KIF13A: variants seen among roughly 807,000 people sequenced by gnomAD.
KIF13A encodes the protein kinesin family member 13A.
In KIF13A, 79 loss-of-function variants were observed where a neutral mutation model predicts 212.2. The observed-to-expected ratio is 0.37, with a 90% CI of 0.31 to 0.45. The LOEUF is 0.45. KIF13A is among the 20% of genes least tolerant of loss of function. The probability of loss-of-function intolerance (pLI) is 1.00; values close to 1 mark genes in which losing one functional copy is unlikely to be tolerated. For missense variants in KIF13A, 1,901 were observed against 2,209.0 expected, an observed-to-expected ratio of 0.86 and a Z score of 2.79; for synonymous variants, 789 against 808.6, an observed-to-expected ratio of 0.98 and a Z score of 0.41.
At chr6:17,858,226 C>T (rs12201185) in intron 4 of KIF13A, among the ~76,000 whole-genome samples, 27,938 of 151,810 alleles carry the variant, frequency 0.18, 2,870 homozygotes, top group South Asian at 0.31. Context: ...TTCTCTATTG[C>T]TAACTTCTAC....
At chr6:17,949,420 T>G (rs1436333468) in intron 2 of KIF13A, among the ~76,000 whole-genome samples, 1 of 152,138 alleles carries the variant, frequency 6.6e-6, no homozygotes, top group Non-Finnish European at 1.5e-5. Flanking sequence ...ATTAGAGAAA[T>G]AGTAAGTAGC....
chr6:17,860,623 GA>G (rs558223184), intron 4 of KIF13A, among the ~76,000 whole-genome samples: 1 of 151,410 alleles, frequency 6.6e-6, no homozygotes. Flanking sequence ...GCTGTTTTCA[GA>G]AAAATGTATT....
At chr6:17,862,976 A>AC (rs1296582885) in intron 4 of KIF13A, among the ~76,000 whole-genome samples, 5 of 152,130 alleles carry the variant, frequency 3.3e-5, no homozygotes, top group African/African-American at 9.7e-5. Flanking sequence ...AAACAAACAA[A>AC]AAAACAAAAT....
intron 2 of KIF13A, among the ~76,000 whole-genome samples, chr6:17,986,010 C>T (rs1781520431): frequency 6.6e-6 from 1 of 152,158 alleles, no homozygotes; most frequent in African/African-American, 2.4e-5. Flanking sequence ...AGCTTGAACA[C>T]CACACATTAT....
Position 17,772,038 on chromosome 6 carries a change from T to C in KIF13A, c.4346A>G (p.His1449Arg), listed in dbSNP as rs1467194992. Residue 1449 changes from histidine (H) to arginine (R), a missense_variant, in exon 37 of 39, where the codon CAT becomes CGT. Physicochemically the swap from His to Arg is conservative, Grantham distance 29. Coordinates refer to ENST00000259711, the MANE Select transcript of KIF13A (RefSeq NM_022113.6). The surrounding 1 kb of genome is among the most constrained non-coding windows in gnomAD (Gnocchi z 4.8). ...TTTAAAAGGGCTGACGGTTAAGGCA[T>C]GAGGAGTCTCTGATGTACAACCTAG... is the stretch of plus-strand genomic sequence containing the variant. ...NKEGCTSETP[H>R]ALTVSPFKAF... is the part of the protein sequence containing the mutation. 3 of 1,613,792 alleles carry C rather than the reference T, an allele frequency of 1.9e-6. No individual in the cohort carries two copies. Among genetic ancestry groups the C allele is most frequent in the Non-Finnish European group, 1.7e-6 (2 of 1,179,826 alleles).
chr6:17,799,388 A>G lies in KIF13A; in HGVS notation c.2668T>C (p.Phe890Leu). 6.2e-7 allele frequency: 1 copy of G among 1,607,616 alleles called. No individual in the cohort carries two copies. The highest frequency in any genetic ancestry group is 8.5e-7 in the Non-Finnish European group (1 of 1,176,580). Residue 890 changes from phenylalanine to leucine, a missense_variant, in exon 22 of 39, where the codon TTC becomes CTC. Physicochemically the swap from Phe to Leu is conservative, Grantham distance 22. Around this residue, in one of 5 missense-constraint regions of KIF13A, gnomAD observed 534 missense variants for 536.9 expected, o/e 0.99. Transcript: ENST00000259711. This position sits in a 1 kb window ranked among gnomAD's most constrained non-coding sequence, Gnocchi z 4.4. ...GLPLNLSNFVFCQYTFWDQCE... is the reference protein window; with the variant it reads ...GLPLNLSNFVLCQYTFWDQCE... ...TGGTCCCAGAATGTGTATTGACAGA[A>G]GACAAAATTTGAGAGGTTTAAGGGC...
chr6:17,847,933 T>C (rs1562051066), intron 9 of KIF13A, among the ~76,000 whole-genome samples: 1 of 152,070 alleles, frequency 6.6e-6, no homozygotes, highest in Non-Finnish European at 1.5e-5. Flanking sequence ...TGCCTCAGCC[T>C]CCCGAGTAGC....
rs192394235 is a variant in KIF13A, at chr6:17,764,362, C to T, written c.5166G>A (p.Thr1722=). The T allele has an allele frequency of 1.4e-5, 22 of 1,613,948 alleles. No individual in the cohort carries two copies. The highest frequency in any genetic ancestry group is 4.5e-5 in the East Asian group (2 of 44,888). ...CAAGGATGTTGGTGGTGTGTTCTACCGTCACCTCCCTGGGGCAGAATCCCC... is the reference window on the plus strand; with the variant it reads ...CAAGGATGTTGGTGGTGTGTTCTACTGTCACCTCCCTGGGGCAGAATCCCC... The part of the protein sequence containing the change: ...PARGFCPREV[T]VEHTTNILED... Residue 1722 remains threonine (T), a synonymous_variant, in exon 39 of 39, where the codon ACG becomes ACA. Transcript: ENST00000259711. This position sits in a 1 kb window ranked among gnomAD's most constrained non-coding sequence, Gnocchi z 5.1.
chr6:17,977,840 T>A (rs149069518), intron 2 of KIF13A, among the ~76,000 whole-genome samples: 4,260 of 152,336 alleles, frequency 0.028, 86 homozygotes, highest in Non-Finnish European at 0.045. Context: ...TTCCTAATGC[T>A]TTCCCTCCCA....
At position 17,982,649 on chromosome 6, in the gene KIF13A, C is replaced by T. The variant is rs1781189827; in HGVS notation, c.146+4405G>A. Among the ~76,000 whole-genome samples the T allele has an allele frequency of 6.6e-6, 1 of 152,018 alleles. No individual in the cohort carries two copies. The highest frequency in any genetic ancestry group is 1.5e-5 in the Non-Finnish European group (1 of 68,014). ...ATTTTTACACAGTAGGTTAGATATG[C>T]ACTTTATTTTGGAGTCTTACCTTAC... On this transcript the variant is annotated intron_variant, in intron 2 of 38. Transcript: ENST00000259711. This position sits in a 1 kb window ranked among gnomAD's most constrained non-coding sequence, Gnocchi z 5.1.
At chr6:17,890,852 G>T (rs975771452) in intron 3 of KIF13A, among the ~76,000 whole-genome samples, 1 of 150,252 alleles carries the variant, frequency 6.7e-6, no homozygotes, top group Non-Finnish European at 1.5e-5. Flanking sequence ...TAAAGACAAG[G>T]TCTCCTTATG....
Position 17,928,710 on chromosome 6 carries a change from C to T in KIF13A, c.147-30530G>A, listed in dbSNP as rs1476331931. On this transcript the variant is annotated intron_variant, in intron 2 of 38. Coordinates refer to ENST00000259711, the MANE Select transcript of KIF13A (RefSeq NM_022113.6). Reference sequence around the variant, plus strand: ...CAAAGTAAGAAACTGTATTTCCCTGCTTCAAGTAAGGTCACATGTGTTAAA... The same window carrying T: ...CAAAGTAAGAAACTGTATTTCCCTGTTTCAAGTAAGGTCACATGTGTTAAA... Among the ~76,000 whole-genome samples, 4 of 152,136 alleles carry T rather than the reference C, an allele frequency of 2.6e-5. No individual in the cohort carries two copies. The East Asian group carries it at 7.7e-4, about 29-fold the overall frequency.
At chr6:17,775,973 G>C (rs899918953) in intron 34 of KIF13A, among the ~76,000 whole-genome samples, 1 of 152,022 alleles carries the variant, frequency 6.6e-6, no homozygotes, top group African/African-American at 2.4e-5. Context: ...TCTCCTCCTG[G>C]GTTCAAGCGA....
chr6:17,813,552 G>T (rs532235727), intron 17 of KIF13A, among the ~76,000 whole-genome samples: 6 of 152,288 alleles, frequency 3.9e-5, no homozygotes, highest in African/African-American at 1.4e-4. Context: ...AGACAGATGA[G>T]CAGGTAGCTC....
chr6:17,963,967 C>T lies in KIF13A; in HGVS notation c.146+23087G>A, dbSNP rs1561811927. ...CATTTTATCGTAGATAAATTTACAC[C>T]TCAGCTAGGCACAATGGGTCATGCT... On this transcript the variant is annotated intron_variant, in intron 2 of 38. Transcript: ENST00000259711. The surrounding 1 kb of genome is among the most constrained non-coding windows in gnomAD (Gnocchi z 4.1). 6.6e-6 allele frequency among the ~76,000 whole-genome samples: 1 copy of T among 152,074 alleles called. No homozygotes were observed. The highest frequency in any genetic ancestry group is 1.5e-5 in the Non-Finnish European group (1 of 68,016).
chr6:17,987,526 GGCGCCGCCGCCGCT>G lies in KIF13A; in HGVS notation c.-77_-64del. 2.1e-6 allele frequency: 2 copies of G among 939,512 alleles called. No individual in the cohort carries two copies. Among genetic ancestry groups the G allele is most frequent in the Non-Finnish European group, 2.6e-6 (2 of 774,084 alleles). 58.2% of individuals were successfully genotyped at this position (939,512 alleles called of 1,614,324 possible). On this transcript the variant is annotated 5_prime_UTR_variant, in exon 1 of 39. The change abolishes the stop of an existing upstream ORF in the 5' untranslated region. Transcript: ENST00000259711. The surrounding 1 kb of genome is among the most constrained non-coding windows in gnomAD (Gnocchi z 7.7). Reference sequence around the variant, plus strand: ...CGGCCTTAGGCGGCCCCTCACGCGCGGCGCCGCCGCCGCTGCAGCCGCGCGCCCCTCGAGCGCGG... The same window carrying G: ...CGGCCTTAGGCGGCCCCTCACGCGCGGCAGCCGCGCGCCCCTCGAGCGCGG...
chr6:17,793,357 C>G (rs530670767), intron 25 of KIF13A, among the ~76,000 whole-genome samples: 1 of 152,122 alleles, frequency 6.6e-6, no homozygotes, highest in African/African-American at 2.4e-5. Flanking sequence ...GCTGGGATTA[C>G]AGGCATGAGC....
Position 17,888,009 on chromosome 6 carries a change from G to A in KIF13A, c.159+10159C>T, listed in dbSNP as rs1049673045. On this transcript the variant is annotated intron_variant, in intron 3 of 38. Coordinates refer to ENST00000259711, the MANE Select transcript of KIF13A (RefSeq NM_022113.6). This position sits in a 1 kb window ranked among gnomAD's most constrained non-coding sequence, Gnocchi z 4.8. ...GTGTGAGCCACTGGGCCCAGCCCCTGCATCTTGATTCTTATCCTAAATTTC... is the reference window on the plus strand; with the variant it reads ...GTGTGAGCCACTGGGCCCAGCCCCTACATCTTGATTCTTATCCTAAATTTC... Among the ~76,000 whole-genome samples, 1 of 151,866 alleles carries A rather than the reference G, an allele frequency of 6.6e-6. No homozygotes were observed. Among genetic ancestry groups the A allele is most frequent in the African/African-American group, 2.4e-5 (1 of 41,428 alleles).
chr6:17,851,485 C>T (rs1019459413), intron 7 of KIF13A, among the ~76,000 whole-genome samples: 4 of 152,106 alleles, frequency 2.6e-5, no homozygotes, highest in African/African-American at 4.8e-5. Flanking sequence ...CAGATCTTAA[C>T]AAGGCATATA....
Sources: allele counts gnomAD v4.1 joint callset (sites outside exome capture counted in the v4.1 genomes callset), GRCh38; gene constraint gnomAD v4.1.1; regional missense constraint gnomAD v4.1.1; non-coding constraint Gnocchi (gnomAD v3.1); transcripts MANE v1.5; gene names NCBI Gene and HGNC (gene_info 2026-07-23, HGNC 2026-07-21).